SIRPA: variants seen among roughly 807,000 people sequenced by gnomAD.
The protein encoded by SIRPA is tyrosine-protein phosphatase non-receptor type substrate 1.
A neutral mutation model predicts 50.3 loss-of-function variants in SIRPA; 9 were observed. That is an observed-to-expected ratio of 0.18 (90% CI 0.11 to 0.31). The LOEUF is 0.31. SIRPA is among the 10% of genes least tolerant of loss of function. The pLI is 1.00. For missense variants in SIRPA, 474 were observed against 661.6 expected, an observed-to-expected ratio of 0.72 and a Z score of 3.11; for synonymous variants, 265 against 284.1, an observed-to-expected ratio of 0.93 and a Z score of 0.68.
At chr20:1,912,801 C>T (rs1363237724) in intron 1 of SIRPA, among the ~76,000 whole-genome samples, 1 of 152,230 alleles carries the variant, frequency 6.6e-6, no homozygotes, top group Admixed American at 6.5e-5. Flanking sequence ...CCCAGGCCTG[C>T]TGGCCCTAGC....
chr20:1,927,518 G>T lies in SIRPA; in HGVS notation c.1202-357G>T, dbSNP rs1986051671. 6.6e-6 allele frequency among the ~76,000 whole-genome samples: 1 copy of T among 152,192 alleles called. No homozygotes were observed. Among genetic ancestry groups the T allele is most frequent in the Admixed American group, 6.5e-5 (1 of 15,286 alleles). ...CTAGAATCTGTTTTCAAGCCACGAA[G>T]GGCACTGATTGGGACCTAGGCTTGT... is the stretch of plus-strand genomic sequence containing the variant. On this transcript the variant is annotated intron_variant, in intron 5 of 7. Coordinates refer to ENST00000358771, the MANE Select transcript of SIRPA (RefSeq NM_001040023.2). This position sits in a 1 kb window ranked among gnomAD's most constrained non-coding sequence, Gnocchi z 6.5.
intron 5 of SIRPA, among the ~76,000 whole-genome samples, chr20:1,925,857 C>T (rs1985944891): frequency 6.6e-6 from 1 of 152,202 alleles, no homozygotes; most frequent in African/African-American, 2.4e-5. Flanking sequence ...ATTTCTGCAA[C>T]CTTTTTTTAT....
intron 1 of SIRPA, among the ~76,000 whole-genome samples, chr20:1,900,548 C>T (rs1462905871): frequency 2.0e-5 from 3 of 152,164 alleles, no homozygotes; most frequent in Admixed American, 2.0e-4. Flanking sequence ...TGTGGATTCC[C>T]GGACCTGCAA....
intron 1 of SIRPA, among the ~76,000 whole-genome samples, chr20:1,907,263 T>A (rs1984601257): frequency 6.6e-6 from 1 of 152,182 alleles, no homozygotes; most frequent in Non-Finnish European, 1.5e-5. Context: ...CCATTTTTGG[T>A]GGCTTCAATG....
intron 1 of SIRPA, among the ~76,000 whole-genome samples, chr20:1,904,053 T>G (rs187061287): frequency 1.3e-5 from 2 of 152,208 alleles, no homozygotes; most frequent in East Asian, 3.9e-4. Flanking sequence ...AAATCCCCCT[T>G]TTAAAGAGGA....
At position 1,939,726 on chromosome 20, in the gene SIRPA, A is replaced by T. The variant is rs979169373; in HGVS notation, c.*2158A>T. On this transcript the variant is annotated 3_prime_UTR_variant, in exon 8 of 8. Transcript: ENST00000358771. The surrounding 1 kb of genome is among the most constrained non-coding windows in gnomAD (Gnocchi z 4.7). ...GAGAATCCACATACCTTGTGTATTG[A>T]ACCCCAGGAAAAGGAAGAGGTCGAA... The T allele has an allele frequency of 1.2e-4, 18 of 152,664 alleles. No individual in the cohort carries two copies. The highest frequency in any genetic ancestry group is 4.3e-4 in the African/African-American group (18 of 41,444). 9.5% of individuals were successfully genotyped at this position (152,664 alleles called of 1,614,324 possible).
Position 1,927,536 on chromosome 20 carries a change from AG to A in SIRPA, c.1202-337del, listed in dbSNP as rs1189359548. On this transcript the variant is annotated intron_variant, in intron 5 of 7. Coordinates refer to ENST00000358771, the MANE Select transcript of SIRPA (RefSeq NM_001040023.2). The surrounding 1 kb of genome is among the most constrained non-coding windows in gnomAD (Gnocchi z 6.5). ...CCACGAAGGGCACTGATTGGGACCTAGGCTTGTTGGAGGGTCTCCGCTGAGG... is the reference window on the plus strand; with the variant it reads ...CCACGAAGGGCACTGATTGGGACCTAGCTTGTTGGAGGGTCTCCGCTGAGG... 6.6e-6 allele frequency among the ~76,000 whole-genome samples: 1 copy of A among 152,184 alleles called. No homozygotes were observed. The highest frequency in any genetic ancestry group is 2.4e-5 in the African/African-American group (1 of 41,452).
Position 1,897,529 on chromosome 20 carries a change from A to G in SIRPA, c.79+2003A>G, listed in dbSNP as rs1983903741. ...TATTGCTCCAGACATGGAATTTACAACAAAGAAGTAGAGAGACAGGATATG... is the reference window on the plus strand; with the variant it reads ...TATTGCTCCAGACATGGAATTTACAGCAAAGAAGTAGAGAGACAGGATATG... On this transcript the variant is annotated intron_variant, in intron 1 of 7. Transcript: ENST00000358771. 2.0e-5 allele frequency among the ~76,000 whole-genome samples: 3 copies of G among 152,256 alleles called. No homozygotes were observed. The South Asian group carries it at 6.2e-4, about 31-fold the overall frequency.
At chr20:1,908,555 C>T (rs4814731) in intron 1 of SIRPA, among the ~76,000 whole-genome samples, 26,871 of 152,102 alleles carry the variant, frequency 0.18, 3,071 homozygotes, top group East Asian at 0.63. Context: ...TGACATATTC[C>T]GGCACACAGG....
At chr20:1,905,563 C>T (rs1194121139) in intron 1 of SIRPA, among the ~76,000 whole-genome samples, 1 of 152,184 alleles carries the variant, frequency 6.6e-6, no homozygotes, top group African/African-American at 2.4e-5. Context: ...TGGTTGGGGC[C>T]TGGAGATTGG....
intron 1 of SIRPA, 121 bp from the exon 2 acceptor site, chr20:1,914,978 T>C (rs1369758550): frequency 3.5e-6 from 3 of 848,110 alleles, no homozygotes; most frequent in Non-Finnish European, 5.6e-6. Flanking sequence ...ACATGCACTA[T>C]ACTGATCTCA....
At chr20:1,894,441 A>C (rs1429633475), upstream of SIRPA, 2 of 152,088 alleles carry the variant, frequency 1.3e-5, no homozygotes, top group Non-Finnish European at 2.9e-5. This position sits in a 1 kb window ranked among gnomAD's most constrained non-coding sequence, Gnocchi z 4.0. Context: ...AAGTTTGCGC[A>C]AAGTGGAGCG....
At chr20:1,923,134 A>G (rs553086289) in intron 4 of SIRPA, among the ~76,000 whole-genome samples, 5 of 152,314 alleles carry the variant, frequency 3.3e-5, no homozygotes, top group African/African-American at 7.2e-5. Flanking sequence ...GTTCCATCCC[A>G]CATGTGACTA....
In SIRPA at chr20:1,922,428, T is replaced by C. The variant is rs759981385; in HGVS notation, c.870T>C (p.Asn290=). The C allele has an allele frequency of 6.2e-7, 1 of 1,614,206 alleles. No homozygotes were observed. The highest frequency in any genetic ancestry group is 8.5e-7 in the Non-Finnish European group (1 of 1,180,038). ...GACTACAGCTGACCTGGTTGGAGAA[T>C]GGAAACGTGTCCCGGACAGAAACGG... The part of the protein sequence containing the change: ...PQRLQLTWLE[N]GNVSRTETAS... Residue 290 remains asparagine, a synonymous_variant, in exon 4 of 8, where the codon AAT becomes AAC. Transcript: ENST00000358771.
Position 1,938,840 on chromosome 20 carries a change from C to G in SIRPA, c.*1272C>G, listed in dbSNP as rs1029711496. 1.3e-5 allele frequency: 2 copies of G among 152,728 alleles called. No individual in the cohort carries two copies. The highest frequency in any genetic ancestry group is 4.8e-5 in the African/African-American group (2 of 41,472). 9.5% of individuals were successfully genotyped at this position (152,728 alleles called of 1,614,324 possible). A position where few individuals can be genotyped will look rare whatever the true frequency, so the allele number is the denominator to read the frequency against. ...TGAAGATGACACCCCTCCCCACCAC[C>G]TCTCATAAGCACTTTAGGAACACAC... On this transcript the variant is annotated 3_prime_UTR_variant, in exon 8 of 8. Transcript: ENST00000358771.
At chr20:1,925,282 A>C (rs1186548129) in intron 5 of SIRPA, among the ~76,000 whole-genome samples, 1 of 152,226 alleles carries the variant, frequency 6.6e-6, no homozygotes, top group Non-Finnish European at 1.5e-5. Flanking sequence ...AGGAGGCCAG[A>C]GGGAATGGAG....
intron 1 of SIRPA, among the ~76,000 whole-genome samples, chr20:1,912,180 G>C (rs570825936): frequency 6.6e-6 from 1 of 152,196 alleles, no homozygotes; most frequent in Non-Finnish European, 1.5e-5. Flanking sequence ...GCCTGCCTGG[G>C]GTGTGATTAC....
At chr20:1,913,687 CTG>C (rs968164768) in intron 1 of SIRPA, among the ~76,000 whole-genome samples, 11 of 152,244 alleles carry the variant, frequency 7.2e-5, no homozygotes, top group African/African-American at 1.2e-4. Flanking sequence ...CACTCTGCGT[CTG>C]TCTCTCAGGC....
chr20:1,916,909 T>C (rs565658082), intron 2 of SIRPA, among the ~76,000 whole-genome samples: 3 of 152,358 alleles, frequency 2.0e-5, no homozygotes, highest in African/African-American at 7.2e-5. Flanking sequence ...CTAGACATTA[T>C]AACAATCAAG....
Sources: gnomAD v4.1 joint callset for allele counts (sites outside exome capture counted in the v4.1 genomes callset) on GRCh38, gnomAD v4.1.1 for gene constraint, Gnocchi (gnomAD v3.1) non-coding constraint, MANE v1.5 for transcripts, NCBI Gene and HGNC (gene_info 2026-07-23, HGNC 2026-07-21) for gene names.